The following MCTP2 variants were observed in gnomAD, a reference collection of about 807,000 sequenced individuals.
MCTP2 encodes the protein multiple C2 and transmembrane domain containing 2.
Under a neutral mutation model 111.6 loss-of-function variants are expected in MCTP2, and 132 were observed. The observed-to-expected ratio is 1.18, with a 90% CI of 1.03 to 1.37. The LOEUF (loss-of-function observed/expected upper bound fraction) is 1.37, where lower values mean the gene tolerates loss of function less well. Ranked by LOEUF, MCTP2 falls within the 40% of genes most tolerant of loss-of-function variation. MCTP2 has a pLI of 0.00. For synonymous variants in MCTP2, 395 were observed against 387.7 expected (o/e 1.02, Z -0.22); for missense variants, 1,183 against 1,067.9 (o/e 1.11, Z -1.50).
chr15:94,410,471 G>A (rs1376498835), intron 17 of MCTP2, among the ~76,000 whole-genome samples: 1 of 151,914 alleles, frequency 6.6e-6, no homozygotes, highest in Admixed American at 6.6e-5. Context: ...TATGCCTATA[G>A]TTCCAGCACT....
At chr15:94,234,598 T>C (rs1025379889) in intron 1 of MCTP2, among the ~76,000 whole-genome samples, 1 of 152,080 alleles carries the variant, frequency 6.6e-6, no homozygotes, top group Non-Finnish European at 1.5e-5. Flanking sequence ...AAGAGACTGC[T>C]GGATGGGACA....
At chr15:94,238,908 A>C (rs2070743213) in intron 1 of MCTP2, among the ~76,000 whole-genome samples, 1 of 151,938 alleles carries the variant, frequency 6.6e-6, no homozygotes, top group African/African-American at 2.4e-5. Flanking sequence ...CTGCTAACTG[A>C]TGGGGAAAAC....
rs558949908 is a variant in MCTP2, at chr15:94,280,017, G to A, written c.-65-18184G>A. Reference sequence around the variant, plus strand: ...ATTCAGTTTGCTTGTATTTTGCTGGGAATTTTTACACCCGTGTTCTTGACC... The same window carrying A: ...ATTCAGTTTGCTTGTATTTTGCTGGAAATTTTTACACCCGTGTTCTTGACC... On this transcript the variant is annotated intron_variant, in intron 1 of 22. Coordinates refer to ENST00000357742, the MANE Select transcript of MCTP2 (RefSeq NM_001385001.1). Among the ~76,000 whole-genome samples the A allele has an allele frequency of 1.1e-4, 16 of 152,164 alleles. No homozygotes were observed. The East Asian group carries it at 2.3e-3, about 22-fold the overall frequency.
rs111383918 is a variant in MCTP2 at position 94,331,593 on chromosome 15, A to G, written c.638-7697A>G. Reference sequence around the variant, plus strand: ...CCTTATGTCTCATTGTTTATCCTCTATGAGTTGCTATAAACTTTATAAATA... The same window carrying G: ...CCTTATGTCTCATTGTTTATCCTCTGTGAGTTGCTATAAACTTTATAAATA... On this transcript the variant is annotated intron_variant, in intron 4 of 22. Coordinates refer to ENST00000357742, the MANE Select transcript of MCTP2 (RefSeq NM_001385001.1). Among the ~76,000 whole-genome samples, 137 of 152,328 alleles carry G rather than the reference A, an allele frequency of 9.0e-4. 1 individual carries two copies. Among genetic ancestry groups the G allele is most frequent in the African/African-American group, 3.2e-3 (134 of 41,590 alleles).
chr15:94,395,959 A>G (rs1211973018), intron 14 of MCTP2, among the ~76,000 whole-genome samples: 1 of 152,162 alleles, frequency 6.6e-6, no homozygotes, highest in Non-Finnish European at 1.5e-5. Context: ...TGAAAGTGTC[A>G]ATTTTCCTGA....
At position 94,288,284 on chromosome 15, in the gene MCTP2, A is replaced by C. The variant is rs76548398; in HGVS notation, c.-65-9917A>C. 1.5e-3 allele frequency among the ~76,000 whole-genome samples: 226 copies of C among 152,356 alleles called. No homozygotes were observed. The East Asian group carries it at 0.021, about 14-fold the overall frequency. On this transcript the variant is annotated intron_variant, in intron 1 of 22. Transcript: ENST00000357742. Reference sequence around the variant, plus strand: ...AAAGTATCACAGGAGACAGCTGAGAAGGAAGGGCTTGGGAAATGATCAAAT... The same window carrying C: ...AAAGTATCACAGGAGACAGCTGAGACGGAAGGGCTTGGGAAATGATCAAAT...
At chr15:94,457,338 T>C (rs2084895953) in intron 19 of MCTP2, among the ~76,000 whole-genome samples, 1 of 152,208 alleles carries the variant, frequency 6.6e-6, no homozygotes, top group African/African-American at 2.4e-5. Flanking sequence ...CCTGCATAAC[T>C]GTTAGTTACC....
chr15:94,315,820 A>T (rs556790768), intron 4 of MCTP2, among the ~76,000 whole-genome samples, 183 bp downstream of exon 4: 1 of 152,316 alleles, frequency 6.6e-6, no homozygotes, highest in African/African-American at 2.4e-5. Context: ...AAACCTTACT[A>T]TCCTTCTTTA....
At chr15:94,468,482 C>CA (rs797017248) in intron 20 of MCTP2, among the ~76,000 whole-genome samples, 2,048 of 144,264 alleles carry the variant, frequency 0.014, 45 homozygotes, top group African/African-American at 0.05. Flanking sequence ...AGCCCCAGGC[C>CA]AAAAAAAAAG....
At chr15:94,242,282 T>C (rs1177543347) in intron 1 of MCTP2, among the ~76,000 whole-genome samples, 2 of 152,170 alleles carry the variant, frequency 1.3e-5, no homozygotes, top group Non-Finnish European at 2.9e-5. Flanking sequence ...TTCTCATTTG[T>C]AAAATGGAGA....
intron 18 of MCTP2, 53 bp downstream of exon 18, chr15:94,440,351 A>G (rs2083710633): frequency 6.2e-7 from 1 of 1,603,940 alleles, no homozygotes; most frequent in South Asian, 1.1e-5. Flanking sequence ...TGTGTTAACA[A>G]CAAACTACCA....
chr15:94,349,823 A>C (rs1260041657), intron 8 of MCTP2, among the ~76,000 whole-genome samples: 1 of 151,752 alleles, frequency 6.6e-6, no homozygotes, highest in Non-Finnish European at 1.5e-5. Context: ...CTGTCTGAAA[A>C]AAAAAAAAAA....
chr15:94,370,656 G>A (rs1177819639), intron 12 of MCTP2, among the ~76,000 whole-genome samples: 1 of 152,124 alleles, frequency 6.6e-6, no homozygotes, highest in Admixed American at 6.5e-5. Flanking sequence ...AGTTGACATT[G>A]TCTTATAGGA....
intron 19 of MCTP2, among the ~76,000 whole-genome samples, chr15:94,444,289 A>G (rs1238850513): frequency 6.6e-6 from 1 of 152,258 alleles, no homozygotes; most frequent in Non-Finnish European, 1.5e-5. Context: ...GGCATACCCT[A>G]GAGCACCTCC....
At position 94,249,782 on chromosome 15, in the gene MCTP2, G is replaced by A. The variant is rs1004355207; in HGVS notation, c.-66+18118G>A. Among the ~76,000 whole-genome samples the A allele has an allele frequency of 2.6e-5, 4 of 152,068 alleles. No homozygotes were observed. In the East Asian group the frequency reaches 7.7e-4, roughly 29 times the overall value. Reference sequence around the variant, plus strand: ...TTACAGGCATGAGCCACCGTGCCTGGCCAGAATCTTTTTTTTAATAACAGC... The same window carrying A: ...TTACAGGCATGAGCCACCGTGCCTGACCAGAATCTTTTTTTTAATAACAGC... On this transcript the variant is annotated intron_variant, in intron 1 of 22. Transcript: ENST00000357742.
intron 3 of MCTP2, chr15:94,314,954 A>G (rs1191847312): frequency 1.7e-5 from 6 of 344,224 alleles, no homozygotes; most frequent in Non-Finnish European, 3.4e-5. Context: ...AGCACTGGAC[A>G]GAGACAATGT....
At chr15:94,322,698 A>G (rs2076684374) in intron 4 of MCTP2, among the ~76,000 whole-genome samples, 1 of 152,224 alleles carries the variant, frequency 6.6e-6, no homozygotes, top group Admixed American at 6.5e-5. Context: ...GCAGTCATCA[A>G]GAGTTGAGGC....
chr15:94,462,440 T>G (rs2085273094), intron 20 of MCTP2, among the ~76,000 whole-genome samples: 1 of 152,218 alleles, frequency 6.6e-6, no homozygotes, highest in Non-Finnish European at 1.5e-5. Context: ...TTTTACAAAG[T>G]GTCTTGTTTT....
chr15:94,376,952 A>C (rs2079810634), intron 12 of MCTP2, among the ~76,000 whole-genome samples: 1 of 152,206 alleles, frequency 6.6e-6, no homozygotes, highest in South Asian at 2.1e-4. Context: ...AAAAAGTGCT[A>C]TTGTCAAACT....
Sources: gnomAD v4.1 joint callset for allele counts (sites outside exome capture counted in the v4.1 genomes callset) on GRCh38, gnomAD v4.1.1 for gene constraint, MANE v1.5 for transcripts, NCBI Gene and HGNC (gene_info 2026-07-23, HGNC 2026-07-21) for gene names.